Variants in KCNIP4 observed in about 807,000 individuals in gnomAD.
KCNIP4 encodes the protein potassium voltage-gated channel interacting protein 4.
In KCNIP4, 12 loss-of-function variants were observed where a neutral mutation model predicts 34.0. The ratio of observed to expected loss-of-function variants is 0.35; its 90% CI spans 0.23 to 0.57. KCNIP4 has a LOEUF of 0.57. KCNIP4 is among the 20% of genes least tolerant of loss of function. The probability of loss-of-function intolerance (pLI) is 0.83; values close to 1 mark genes in which losing one functional copy is unlikely to be tolerated. For synonymous variants in KCNIP4, 124 were observed against 102.2 expected, an observed-to-expected ratio of 1.21 and a Z score of -1.29; for missense variants, 238 against 311.7, an observed-to-expected ratio of 0.76 and a Z score of 1.78.
chr4:21,926,182 T>C (rs1729235200), intron 1 of KCNIP4, among the ~76,000 whole-genome samples: 1 of 152,200 alleles, frequency 6.6e-6, no homozygotes, highest in Non-Finnish European at 1.5e-5. Flanking sequence ...TTCTATGCAT[T>C]ATCTCAAATA....
At chr4:21,218,941 G>A (rs932000287) in intron 1 of KCNIP4, among the ~76,000 whole-genome samples, 2 of 152,014 alleles carry the variant, frequency 1.3e-5, no homozygotes, top group Non-Finnish European at 2.9e-5. Context: ...TCCAGAGATG[G>A]CTATTGCAAA....
chr4:21,558,015 G>A, intron 1 of KCNIP4, among the ~76,000 whole-genome samples: 1 of 152,160 alleles, frequency 6.6e-6, no homozygotes, highest in Non-Finnish European at 1.5e-5. Context: ...AGTCTACTGT[G>A]AGCAAAAGTG....
At chr4:20,830,841 G>A (rs1451331442) in intron 3 of KCNIP4, among the ~76,000 whole-genome samples, 1 of 152,170 alleles carries the variant, frequency 6.6e-6, no homozygotes, top group Non-Finnish European at 1.5e-5. Flanking sequence ...GAAGATTCAT[G>A]ATTTGCTATA....
At chr4:20,882,868 A>AG (rs57696441) in intron 1 of KCNIP4, among the ~76,000 whole-genome samples, 159 bp from the exon 2 acceptor site, 2 of 151,082 alleles carry the variant, frequency 1.3e-5, no homozygotes, top group East Asian at 3.9e-4. Context: ...GGAAAAAAAA[A>AG]GTTTGTTTTC....
intron 1 of KCNIP4, among the ~76,000 whole-genome samples, chr4:21,361,371 C>A (rs1362485365): frequency 6.6e-6 from 1 of 152,046 alleles, no homozygotes; most frequent in East Asian, 1.9e-4. Context: ...CTTAGAAAAT[C>A]CTCAAGAAAT....
intron 1 of KCNIP4, among the ~76,000 whole-genome samples, chr4:21,735,235 G>C (rs1019700206): frequency 6.6e-6 from 1 of 152,046 alleles, no homozygotes; most frequent in Non-Finnish European, 1.5e-5. Context: ...TGGTATGCTA[G>C]AGCCGGCTTC....
chr4:20,904,329 G>GTATA lies in KCNIP4; in HGVS notation c.62-21621_62-21620insTATA, dbSNP rs71655609. ...AAACTATATATATGTATGTGTGTGT[G>GTATA]TGTATATATATATATATATACAGAT... On this transcript the variant is annotated intron_variant, in intron 1 of 8. Transcript: ENST00000382152. Among the ~76,000 whole-genome samples, 1,134 of 144,900 alleles carry GTATA rather than the reference G, an allele frequency of 7.8e-3. 7 individuals are homozygous for GTATA. The highest frequency in any genetic ancestry group is 0.015 in the African/African-American group (587 of 39,620).
In KCNIP4 at chr4:21,172,082, C is replaced by T. The variant is rs190533445; in HGVS notation, c.62-289373G>A. 5.9e-5 allele frequency among the ~76,000 whole-genome samples: 9 copies of T among 152,266 alleles called. No individual in the cohort carries two copies. The East Asian group carries it at 1.7e-3, about 29-fold the overall frequency. On this transcript the variant is annotated intron_variant, in intron 1 of 8. Transcript: ENST00000382152. ...TCACTCTGTTGCCAAGGCTGCAGTG[C>T]AGTGGCGTGATCTTGGCTCACTGCA...
chr4:21,023,058 G>A (rs753447066), intron 1 of KCNIP4, among the ~76,000 whole-genome samples: 20 of 151,930 alleles, frequency 1.3e-4, no homozygotes, highest in Admixed American at 4.6e-4. Flanking sequence ...CTTGACTTTA[G>A]GTGATCCACC....
rs138553974 is a variant in KCNIP4, at chr4:21,352,126, G to C, written c.62-469417C>G. ...TTTTATCTTGTTTTATTGCCTAACA[G>C]CACTAAAAAAAGAAAAAAATCTTGG... is the stretch of plus-strand genomic sequence containing the variant. On this transcript the variant is annotated intron_variant, in intron 1 of 8. Coordinates refer to ENST00000382152, the MANE Select transcript of KCNIP4 (RefSeq NM_025221.6). 1.5e-3 allele frequency among the ~76,000 whole-genome samples: 231 copies of C among 152,160 alleles called. 3 individuals carry two copies. The highest frequency in any genetic ancestry group is 5.2e-3 in the African/African-American group (215 of 41,518).
intron 1 of KCNIP4, among the ~76,000 whole-genome samples, chr4:21,007,866 T>A (rs1481220370): frequency 6.6e-6 from 1 of 152,204 alleles, no homozygotes. Context: ...AGCACACTTG[T>A]TTATTCTGTA....
chr4:21,062,609 G>T (rs1744023842), intron 1 of KCNIP4, among the ~76,000 whole-genome samples: 2 of 151,616 alleles, frequency 1.3e-5, no homozygotes, highest in African/African-American at 4.9e-5. Flanking sequence ...CAAACAAATT[G>T]CAAGATCTAC....
chr4:21,672,681 T>C (rs1205963380), intron 1 of KCNIP4, among the ~76,000 whole-genome samples: 1 of 152,232 alleles, frequency 6.6e-6, no homozygotes, highest in Non-Finnish European at 1.5e-5. Flanking sequence ...TAACCACATG[T>C]TCCAGGTGTC....
intron 1 of KCNIP4, among the ~76,000 whole-genome samples, chr4:21,714,693 T>A (rs1714013516): frequency 6.6e-6 from 1 of 152,040 alleles, no homozygotes; most frequent in African/African-American, 2.4e-5. Context: ...TGCTCTAAGA[T>A]AAAGGTGAAG....
At chr4:21,788,397 T>A (rs1560714811) in intron 1 of KCNIP4, among the ~76,000 whole-genome samples, 1 of 152,210 alleles carries the variant, frequency 6.6e-6, no homozygotes, top group African/African-American at 2.4e-5. Flanking sequence ...CAAAGATTCA[T>A]AAACAAATGT....
chr4:21,250,405 T>C (rs940369174), intron 1 of KCNIP4, among the ~76,000 whole-genome samples: 1 of 152,108 alleles, frequency 6.6e-6, no homozygotes, highest in African/African-American at 2.4e-5. Flanking sequence ...ACAGTGAATA[T>C]TCTGCTGTAG....
intron 1 of KCNIP4, among the ~76,000 whole-genome samples, chr4:20,986,009 G>A (rs907579837): frequency 6.6e-6 from 1 of 152,166 alleles, no homozygotes; most frequent in Non-Finnish European, 1.5e-5. Flanking sequence ...TCTCATGGTT[G>A]ATGTAAGAAT....
At chr4:21,655,571 C>G (rs941664607) in intron 1 of KCNIP4, among the ~76,000 whole-genome samples, 6 of 152,116 alleles carry the variant, frequency 3.9e-5, no homozygotes, top group Non-Finnish European at 7.4e-5. Context: ...CTTATTTAAT[C>G]TCCTTTCATT....
At chr4:21,307,540 C>G (rs1400379016) in intron 1 of KCNIP4, among the ~76,000 whole-genome samples, 1 of 152,148 alleles carries the variant, frequency 6.6e-6, no homozygotes, top group Non-Finnish European at 1.5e-5. Context: ...TAAACTCCTA[C>G]CCATGAGGGT....
Sources: gnomAD v4.1 joint callset for allele counts (sites outside exome capture counted in the v4.1 genomes callset) on GRCh38, gnomAD v4.1.1 for gene constraint, MANE v1.5 for transcripts, NCBI Gene and HGNC (gene_info 2026-07-23, HGNC 2026-07-21) for gene names.